NTRK2: variants seen among roughly 807,000 people sequenced by gnomAD.
NTRK2 encodes BDNF/NT-3 growth factors receptor.
Under a neutral mutation model 94.5 loss-of-function variants are expected in NTRK2, and 13 were observed. The ratio of observed to expected loss-of-function variants is 0.14; its 90% CI spans 0.09 to 0.22. The LOEUF (loss-of-function observed/expected upper bound fraction) is 0.22, where lower values mean the gene tolerates loss of function less well. Among genes scored for constraint, NTRK2 ranks in the 10% least tolerant of loss-of-function variants. The pLI is 1.00. For missense variants in NTRK2, 639 were observed against 1,071.2 expected (o/e 0.60, Z 5.63); for synonymous variants, 372 against 407.4 (o/e 0.91, Z 1.05).
intron 17 of NTRK2, among the ~76,000 whole-genome samples, chr9:84,967,528 C>T (rs532664620): frequency 6.6e-6 from 1 of 152,370 alleles, no homozygotes; most frequent in South Asian, 2.1e-4. Flanking sequence ...TGAAATGGAA[C>T]AGTTTCTTCC....
intron 12 of NTRK2, among the ~76,000 whole-genome samples, chr9:84,758,071 G>T (rs1564201768): frequency 1.3e-5 from 2 of 151,874 alleles, no homozygotes; most frequent in East Asian, 3.8e-4. Flanking sequence ...TTTATCATGT[G>T]AAAAATAAGA....
In NTRK2 at chr9:84,702,340, T is replaced by C; in HGVS notation, c.288-8T>C. 1 of 1,614,176 alleles carries C rather than the reference T, an allele frequency of 6.2e-7. No individual in the cohort carries two copies. The highest frequency in any genetic ancestry group is 1.1e-5 in the South Asian group (1 of 91,080). On this transcript the variant is annotated splice_region_variant and splice_polypyrimidine_tract_variant and intron_variant, in intron 3 of 18. Coordinates refer to ENST00000277120, the MANE Select transcript of NTRK2 (RefSeq NM_006180.6). ...TTCTAATGTGCATGAAATTATGTGT[T>C]TTCACAGGACAATTGTGGATTCTGG... is the stretch of plus-strand genomic sequence containing the variant.
rs201735321 is a variant in NTRK2 at position 84,670,501 on chromosome 9, C to G, written c.-248C>G. On this transcript the variant is annotated 5_prime_UTR_variant, in exon 2 of 19. Transcript: ENST00000277120. ...ATGCAGCGACGGCCGCCGCGGAGCT[C>G]CGAGCAGCGGTAGCGCCCCCCTGTA... 9.4e-5 allele frequency: 51 copies of G among 544,524 alleles called. No individual in the cohort carries two copies. In the African/African-American group the frequency reaches 9.5e-4, roughly 10 times the overall value. 33.7% of individuals were successfully genotyped at this position (544,524 alleles called of 1,614,324 possible).
chr9:84,821,415 T>C (rs2072820712), intron 12 of NTRK2, among the ~76,000 whole-genome samples: 2 of 152,182 alleles, frequency 1.3e-5, no homozygotes, highest in Non-Finnish European at 2.9e-5. Flanking sequence ...TCCCAGTACA[T>C]ACACCATTTA....
chr9:84,737,823 T>C (rs1251873135), intron 9 of NTRK2, among the ~76,000 whole-genome samples: 1 of 151,604 alleles, frequency 6.6e-6, no homozygotes, highest in East Asian at 1.9e-4. Flanking sequence ...GTAGTCCCAC[T>C]TGGGGCACTT....
chr9:84,929,273 C>T (rs541301694), intron 14 of NTRK2, among the ~76,000 whole-genome samples: 10 of 152,242 alleles, frequency 6.6e-5, no homozygotes, highest in Non-Finnish European at 1.0e-4. Context: ...TAATGTGATA[C>T]GAACACAGAG....
intron 12 of NTRK2, among the ~76,000 whole-genome samples, chr9:84,851,814 AGTTT>A (rs1220862834): frequency 6.6e-6 from 1 of 152,210 alleles, no homozygotes; most frequent in African/African-American, 2.4e-5. Context: ...AATGGCAAAA[AGTTT>A]CCTGTGCGGT....
chr9:84,986,404 C>T (rs558940629), intron 17 of NTRK2, among the ~76,000 whole-genome samples: 30 of 152,282 alleles, frequency 2.0e-4, no homozygotes, highest in African/African-American at 6.7e-4. Flanking sequence ...ACCTAGATCC[C>T]TCACATGCAC....
At chr9:84,689,838 T>C (rs973206790) in intron 2 of NTRK2, among the ~76,000 whole-genome samples, 7 of 152,256 alleles carry the variant, frequency 4.6e-5, no homozygotes, top group Non-Finnish European at 8.8e-5. Context: ...TCTGTCTCTA[T>C]GAATTTGACT....
At chr9:84,670,983 C>T (rs775345544) in intron 2 of NTRK2, 23 bp downstream of exon 2, 1 of 1,598,930 alleles carries the variant, frequency 6.3e-7, no homozygotes, top group Non-Finnish European at 8.5e-7. Context: ...AGCTTTTCCT[C>T]CTTTTTCTCC....
At chr9:84,951,291 TG>T (rs1385964598) in intron 16 of NTRK2, among the ~76,000 whole-genome samples, 1 of 152,238 alleles carries the variant, frequency 6.6e-6, no homozygotes, top group African/African-American at 2.4e-5. Flanking sequence ...AAATTTTTCT[TG>T]TAAGTGATAG....
At chr9:84,928,800 G>A (rs1484583537) in intron 14 of NTRK2, among the ~76,000 whole-genome samples, 2 of 152,210 alleles carry the variant, frequency 1.3e-5, no homozygotes, top group East Asian at 3.8e-4. Flanking sequence ...AACCGAGAGA[G>A]AGAATTTCGG....
chr9:84,985,377 T>A (rs953451737), intron 17 of NTRK2, among the ~76,000 whole-genome samples: 1 of 152,228 alleles, frequency 6.6e-6, no homozygotes, highest in East Asian at 1.9e-4. Context: ...GGGCTACTGA[T>A]AATATCTACC....
At chr9:84,899,582 G>A (rs981925274) in intron 14 of NTRK2, among the ~76,000 whole-genome samples, 1 of 152,194 alleles carries the variant, frequency 6.6e-6, no homozygotes, top group African/African-American at 2.4e-5. Context: ...CACAGTTTGA[G>A]TAACATATTT....
chr9:84,883,741 T>A lies in NTRK2; in HGVS notation c.1633+16310T>A, dbSNP rs75193641. 4.7e-3 allele frequency among the ~76,000 whole-genome samples: 709 copies of A among 152,322 alleles called. 13 individuals carry two copies. The highest frequency in any genetic ancestry group is 0.038 in the Admixed American group (575 of 15,300). On this transcript the variant is annotated intron_variant, in intron 14 of 18. Transcript: ENST00000277120. ...TTAACTATTTGAAAAGGATTGGCAA[T>A]TTTTTTAATCTATATAATCAGCAAA...
Position 84,831,829 on chromosome 9 carries a change from G to A in NTRK2, c.1397-29211G>A, listed in dbSNP as rs190004298. Among the ~76,000 whole-genome samples the A allele has an allele frequency of 3.2e-3, 492 of 152,318 alleles. 3 individuals carry two copies. The highest frequency in any genetic ancestry group is 0.01 in the Middle Eastern group (3 of 294). On this transcript the variant is annotated intron_variant, in intron 12 of 18. Coordinates refer to ENST00000277120, the MANE Select transcript of NTRK2 (RefSeq NM_006180.6). ...TCACAGGATGTAAGTACACTTAGGA[G>A]ATTCTCACAGTTCTCTTTTCTTAGT... is the stretch of plus-strand genomic sequence containing the variant.
chr9:84,810,881 T>A, intron 12 of NTRK2: 1 of 1,255,256 alleles, frequency 8.0e-7, no homozygotes, highest in Non-Finnish European at 1.0e-6. Context: ...TGAAATGAAA[T>A]CCCATTGGAT....
At chr9:84,936,483 G>A (rs528708424) in intron 15 of NTRK2, among the ~76,000 whole-genome samples, 1 of 152,000 alleles carries the variant, frequency 6.6e-6, no homozygotes, top group Non-Finnish European at 1.5e-5. Context: ...CTTCTGTTTG[G>A]GCATATGTCC....
At chr9:84,867,575 G>T in intron 14 of NTRK2, 144 bp downstream of exon 14, 2 of 770,840 alleles carry the variant, frequency 2.6e-6, no homozygotes, top group Non-Finnish European at 4.6e-6. Flanking sequence ...TTTGGCCCAG[G>T]AATAGATCCT....
Sources: allele counts gnomAD v4.1 joint callset (sites outside exome capture counted in the v4.1 genomes callset), GRCh38; gene constraint gnomAD v4.1.1; transcripts MANE v1.5; gene names NCBI Gene and HGNC (gene_info 2026-07-23, HGNC 2026-07-21).